The following AAGAB variants were observed in gnomAD, a reference collection of about 807,000 sequenced individuals.
AAGAB encodes alpha- and gamma-adaptin-binding protein p34.
A neutral mutation model predicts 44.1 loss-of-function variants in AAGAB; 38 were observed. That is an observed-to-expected ratio of 0.86 (90% CI 0.67 to 1.13). AAGAB has a LOEUF of 1.13. AAGAB is among the 50% of genes most tolerant of loss of function. The pLI is 0.00. For missense variants in AAGAB, 450 were observed against 373.8 expected (o/e 1.20, Z -1.68); for synonymous variants, 131 against 131.8 (o/e 0.99, Z 0.04).
chr15:67,209,795 G>A (rs376312236), intron 5 of AAGAB, among the ~76,000 whole-genome samples: 27 of 152,278 alleles, frequency 1.8e-4, no homozygotes, highest in East Asian at 1.5e-3. Context: ...TGGGAATACA[G>A]GTGCCTGCCA....
At chr15:67,248,212 A>G (rs1964774561) in intron 1 of AAGAB, among the ~76,000 whole-genome samples, 1 of 152,184 alleles carries the variant, frequency 6.6e-6, no homozygotes, top group South Asian at 2.1e-4. Flanking sequence ...TGTTGGTTGA[A>G]AAAATGTAAA....
chr15:67,215,400 T>C (rs1307199963), intron 5 of AAGAB, among the ~76,000 whole-genome samples: 2 of 152,214 alleles, frequency 1.3e-5, no homozygotes, highest in Admixed American at 1.3e-4. Context: ...ACTCAAATAT[T>C]AAGAATTTCC....
At chr15:67,226,876 A>C (rs564130115) in intron 5 of AAGAB, 2 of 261,324 alleles carry the variant, frequency 7.7e-6, no homozygotes, top group South Asian at 7.3e-5. Context: ...AAGGAATGCA[A>C]TTCATCTCTT....
intron 1 of AAGAB, among the ~76,000 whole-genome samples, chr15:67,241,618 G>T (rs1964602067): frequency 6.6e-6 from 1 of 152,086 alleles, no homozygotes. Flanking sequence ...TCTCTGCAAA[G>T]CCTTGGGCAG....
chr15:67,204,523 G>T (rs1595977506), intron 7 of AAGAB, among the ~76,000 whole-genome samples: 1 of 152,082 alleles, frequency 6.6e-6, no homozygotes, highest in East Asian at 1.9e-4. Flanking sequence ...AATGACTAAA[G>T]TTTATGCCAT....
intron 1 of AAGAB, among the ~76,000 whole-genome samples, chr15:67,244,586 T>C (rs1046417419): frequency 2.0e-5 from 3 of 152,202 alleles, no homozygotes; most frequent in African/African-American, 7.2e-5. Flanking sequence ...GCAGATTGCT[T>C]GAATCCAGGA....
chr15:67,238,698 AT>A (rs35660168), intron 1 of AAGAB, among the ~76,000 whole-genome samples: 139 of 145,410 alleles, frequency 9.6e-4, no homozygotes, highest in South Asian at 1.7e-3. Context: ...ATCAGTCTTA[AT>A]TTTTTTTTTT....
intron 5 of AAGAB, among the ~76,000 whole-genome samples, chr15:67,225,749 C>T (rs1024271922): frequency 6.6e-6 from 1 of 152,186 alleles, no homozygotes; most frequent in Non-Finnish European, 1.5e-5. Context: ...GATTGAATAA[C>T]AGTCCATTGT....
At chr15:67,254,424 T>G (rs1259542927) in intron 1 of AAGAB, 135 bp downstream of exon 1, 29 of 1,442,318 alleles carry the variant, frequency 2.0e-5, no homozygotes, top group East Asian at 2.5e-5. Context: ...CTGGGGAGAC[T>G]GGGCGCCTCC....
At chr15:67,226,899 A>G in intron 5 of AAGAB, 1 of 298,238 alleles carries the variant, frequency 3.4e-6, no homozygotes, top group Non-Finnish European at 6.9e-6. Context: ...GTTTTTAATT[A>G]CCTAGATTTT....
intron 5 of AAGAB, among the ~76,000 whole-genome samples, chr15:67,222,238 G>GCACACACACACACACACA (rs1280858919): frequency 2.2e-5 from 1 of 45,836 alleles, no homozygotes; most frequent in East Asian, 6.3e-4. Flanking sequence ...GCACGCGCGC[G>GCACACACACACACACACA]CGCGCACACA....
At chr15:67,225,203 G>A (rs555356350) in intron 5 of AAGAB, among the ~76,000 whole-genome samples, 21 of 152,284 alleles carry the variant, frequency 1.4e-4, no homozygotes, top group Non-Finnish European at 2.5e-4. Context: ...TGAGCTATAT[G>A]ACCTTGGGCA....
intron 1 of AAGAB, among the ~76,000 whole-genome samples, chr15:67,243,324 A>G (rs971295029): frequency 2.0e-5 from 3 of 152,188 alleles, no homozygotes; most frequent in African/African-American, 7.2e-5. Flanking sequence ...GGCTGCATGC[A>G]AAGACCACTT....
Position 67,232,714 on chromosome 15 carries a change from C to T in AAGAB, c.452-817G>A, listed in dbSNP as rs139772017. On this transcript the variant is annotated intron_variant, in intron 4 of 9. Transcript: ENST00000261880. ...AAAAATGAACACAAACATAGACTTA[C>T]AAGACATGGCCTGTGTGAGAAGAAA... 1.2e-3 allele frequency: 313 copies of T among 265,446 alleles called. 2 individuals carry two copies. The highest frequency in any genetic ancestry group is 4.6e-3 in the African/African-American group (204 of 44,384). The allele number at this position is 265,446 out of a possible 1,614,324, so 16.4% of individuals were successfully genotyped here. A position where few individuals can be genotyped will look rare whatever the true frequency, so the allele number is the denominator to read the frequency against.
chr15:67,208,910 T>C (rs920650456), intron 6 of AAGAB, among the ~76,000 whole-genome samples: 1 of 152,258 alleles, frequency 6.6e-6, no homozygotes, highest in Non-Finnish European at 1.5e-5. Flanking sequence ...GTTTTTTGTT[T>C]GTCTCATTTA....
At position 67,204,145 on chromosome 15, in the gene AAGAB, G is replaced by T; in HGVS notation, c.719C>A (p.Pro240His). Residue 240 changes from proline (P) to histidine (H), a missense_variant, in exon 8 of 10, where the codon CCC becomes CAC. Pro to His is a moderately conservative substitution (Grantham distance 77). Transcript: ENST00000261880. Reference sequence around the variant, plus strand: ...TTCTTGAATATCCAGATCTAACATGGGATCTGAAATAGGGATTTGTCACAT... The same window carrying T: ...TTCTTGAATATCCAGATCTAACATGTGATCTGAAATAGGGATTTGTCACAT... ...TDAQVDSIVD[P>H]MLDLDIQELA... 1 of 1,590,570 alleles carries T rather than the reference G, an allele frequency of 6.3e-7. No homozygotes were observed. Among genetic ancestry groups the T allele is most frequent in the Non-Finnish European group, 8.6e-7 (1 of 1,159,688 alleles).
chr15:67,226,322 A>G (rs1411562866), intron 5 of AAGAB, among the ~76,000 whole-genome samples: 1 of 151,940 alleles, frequency 6.6e-6, no homozygotes, highest in Non-Finnish European at 1.5e-5. Context: ...AGTTCTCACT[A>G]TGTTGCCCAG....
intron 1 of AAGAB, among the ~76,000 whole-genome samples, chr15:67,246,056 T>C (rs566506450): frequency 2.0e-5 from 3 of 152,220 alleles, no homozygotes; most frequent in Non-Finnish European, 2.9e-5. Flanking sequence ...TTTTTGTTAC[T>C]GAACCTAAAA....
chr15:67,237,618 A>G (rs1159374615), intron 1 of AAGAB, among the ~76,000 whole-genome samples: 1 of 151,998 alleles, frequency 6.6e-6, no homozygotes, highest in Admixed American at 6.5e-5. Context: ...TGCTTCCATT[A>G]TGTTATACAG....
Sources: gnomAD v4.1 joint callset for allele counts (sites outside exome capture counted in the v4.1 genomes callset) on GRCh38, gnomAD v4.1.1 for gene constraint, MANE v1.5 for transcripts, NCBI Gene and HGNC (gene_info 2026-07-23, HGNC 2026-07-21) for gene names.